Variants in RPGRIP1L observed in about 807,000 individuals in gnomAD.
RPGRIP1L encodes protein fantom.
RPGRIP1L carries 131 observed loss-of-function variants against 160.4 expected under a neutral mutation model. The ratio of observed to expected loss-of-function variants is 0.82; its 90% CI spans 0.71 to 0.94. The LOEUF is 0.94. Among genes scored for constraint, RPGRIP1L ranks in the 40% least tolerant of loss-of-function variants. The pLI, the probability that RPGRIP1L is intolerant of heterozygous loss-of-function variation, is 0.00. For missense variants in RPGRIP1L, 1,522 were observed against 1,535.8 expected (o/e 0.99, Z 0.15); for synonymous variants, 510 against 515.8 (o/e 0.99, Z 0.15).
chr16:53,616,040 C>T (rs949154111), intron 24 of RPGRIP1L, among the ~76,000 whole-genome samples: 1 of 152,174 alleles, frequency 6.6e-6, no homozygotes, highest in African/African-American at 2.4e-5. Flanking sequence ...ACATACAAGT[C>T]TCTTTTGTAC....
chr16:53,651,879 T>G, intron 15 of RPGRIP1L, among the ~76,000 whole-genome samples: 1 of 145,380 alleles, frequency 6.9e-6, no homozygotes, highest in Admixed American at 6.8e-5. Context: ...TAGCTTATAT[T>G]ATTATTTATA....
chr16:53,678,730 C>T (rs1273106047), intron 6 of RPGRIP1L, among the ~76,000 whole-genome samples: 1 of 152,080 alleles, frequency 6.6e-6, no homozygotes. Flanking sequence ...CAAATATTTA[C>T]GACACAGAAT....
chr16:53,680,879 T>C (rs546374654), intron 6 of RPGRIP1L, among the ~76,000 whole-genome samples: 40 of 151,340 alleles, frequency 2.6e-4, no homozygotes, highest in Non-Finnish European at 4.9e-4. Context: ...AGATGAGAGA[T>C]GTTGAGAGAA....
In RPGRIP1L at chr16:53,645,817, G is replaced by A; in HGVS notation, c.2491C>T (p.Pro831Ser). The A allele has an allele frequency of 6.2e-7, 1 of 1,613,890 alleles. No individual in the cohort carries two copies. Among genetic ancestry groups the A allele is most frequent in the Non-Finnish European group, 8.5e-7 (1 of 1,179,790 alleles). Reference protein sequence around the residue: ...DFADHDTAIIPSSNDPQFDDH... With the variant: ...DFADHDTAIISSSNDPQFDDH... ...TCAAACTGTGGATCATTGCTACTGG[G>A]AATGATAGCTGTATCATGGTCTGCA... Residue 831 changes from proline (P) to serine (S), a missense_variant, in exon 17 of 27, where the codon CCC becomes TCC. Coordinates refer to ENST00000647211, the MANE Select transcript of RPGRIP1L (RefSeq NM_015272.5).
At chr16:53,664,253 T>A (rs561304264) in intron 10 of RPGRIP1L, among the ~76,000 whole-genome samples, 1 of 152,202 alleles carries the variant, frequency 6.6e-6, no homozygotes, top group Non-Finnish European at 1.5e-5. Context: ...CTGAAACTTA[T>A]TAGTGATTAT....
At position 53,695,942 on chromosome 16, in the gene RPGRIP1L, T is replaced by C. The variant is rs573106729; in HGVS notation, c.230+209A>G. ...ACTCTATTAGCTTTTTTCATTTAAA[T>C]AGCAAATTCAGACATAATAAACACT... On this transcript the variant is annotated intron_variant, in intron 3 of 26. Transcript: ENST00000647211. 10 of 513,244 alleles carry C rather than the reference T, an allele frequency of 1.9e-5. No homozygotes were observed. The Admixed American group carries it at 2.0e-4, about 10-fold the overall frequency. The allele number at this position is 513,244 out of a possible 1,614,324, so 31.8% of individuals were successfully genotyped here. A position where few individuals can be genotyped will look rare whatever the true frequency, so the allele number is the denominator to read the frequency against.
chr16:53,605,033 T>C (rs1368860418), intron 26 of RPGRIP1L, among the ~76,000 whole-genome samples: 1 of 151,858 alleles, frequency 6.6e-6, no homozygotes, highest in Non-Finnish European at 1.5e-5. Flanking sequence ...CCAAAAAAAT[T>C]AGCCGGGCAT....
intron 16 of RPGRIP1L, 23 bp downstream of exon 16, chr16:53,648,941 G>T: frequency 1.9e-6 from 3 of 1,604,354 alleles, no homozygotes; most frequent in Non-Finnish European, 2.6e-6. Flanking sequence ...TCATAAAAGG[G>T]TCTTAAAGCC....
chr16:53,619,324 T>G, intron 23 of RPGRIP1L, 116 bp from the exon 24 acceptor site: 1 of 846,734 alleles, frequency 1.2e-6, no homozygotes, highest in South Asian at 1.4e-5. Context: ...TGGGCTTCTT[T>G]TCTTGAATGC....
chr16:53,672,776 TA>T, intron 8 of RPGRIP1L, 93 bp downstream of exon 8: 2 of 1,126,676 alleles, frequency 1.8e-6, no homozygotes, highest in Non-Finnish European at 2.6e-6. Context: ...TAATTTTAAA[TA>T]AGTACAATTT....
chr16:53,648,620 GCGCGCGCACACACA>G (rs1567834511), intron 16 of RPGRIP1L, among the ~76,000 whole-genome samples: 1 of 62,486 alleles, frequency 1.6e-5, no homozygotes, highest in Admixed American at 1.6e-4. Flanking sequence ...GCGTGCGCGC[GCGCGCGCACACACA>G]CACACACACA....
chr16:53,637,690 G>T lies in RPGRIP1L; in HGVS notation c.3220+5C>A. Reference sequence around the variant, plus strand: ...AAACAATGTTAGTTTAAATAAGAAAGTCACCTTCTGGTTCCAAGTCCTCTG... The same window carrying T: ...AAACAATGTTAGTTTAAATAAGAAATTCACCTTCTGGTTCCAAGTCCTCTG... On this transcript the variant is annotated splice_donor_5th_base_variant and intron_variant, in intron 21 of 26. Coordinates refer to ENST00000647211, the MANE Select transcript of RPGRIP1L (RefSeq NM_015272.5). 2 of 1,606,342 alleles carry T rather than the reference G, an allele frequency of 1.2e-6. No individual in the cohort carries two copies. Among genetic ancestry groups the T allele is most frequent in the Non-Finnish European group, 1.7e-6 (2 of 1,179,322 alleles).
chr16:53,682,374 T>C (rs932145602), intron 6 of RPGRIP1L, among the ~76,000 whole-genome samples: 2 of 152,194 alleles, frequency 1.3e-5, no homozygotes, highest in South Asian at 2.1e-4. Flanking sequence ...ACCTCTTCTA[T>C]GTATACATGT....
At chr16:53,618,218 T>C (rs367622145) in intron 24 of RPGRIP1L, among the ~76,000 whole-genome samples, 1 of 152,170 alleles carries the variant, frequency 6.6e-6, no homozygotes, top group African/African-American at 2.4e-5. Flanking sequence ...TGCTATATGA[T>C]GAAAGGTGTA....
Position 53,599,797 on chromosome 16 carries a change from A to C in RPGRIP1L, c.*2279T>G, listed in dbSNP as rs1963304431. ...TCAAACAGATTATGAAACCCAACTG[A>C]AGTATCCACATGACAGCGTTCAATA... On this transcript the variant is annotated 3_prime_UTR_variant, in exon 27 of 27. Coordinates refer to ENST00000647211, the MANE Select transcript of RPGRIP1L (RefSeq NM_015272.5). The C allele has an allele frequency of 6.6e-6, 1 of 152,230 alleles. No homozygotes were observed. Among genetic ancestry groups the C allele is most frequent in the African/African-American group, 2.4e-5 (1 of 41,466 alleles). 9.4% of individuals were successfully genotyped at this position (152,230 alleles called of 1,614,324 possible). A position where few individuals can be genotyped will look rare whatever the true frequency, so the allele number is the denominator to read the frequency against.
chr16:53,632,060 A>C (rs754507553), intron 22 of RPGRIP1L, among the ~76,000 whole-genome samples: 9 of 152,242 alleles, frequency 5.9e-5, no homozygotes, highest in Non-Finnish European at 1.0e-4. Flanking sequence ...AAATGAAGTA[A>C]TCTATGATTA....
At chr16:53,606,022 T>A (rs1474409478) in intron 25 of RPGRIP1L, among the ~76,000 whole-genome samples, 4 of 152,214 alleles carry the variant, frequency 2.6e-5, no homozygotes, top group African/African-American at 4.8e-5. Flanking sequence ...ACATTTCCTA[T>A]AGAAACACAC....
chr16:53,672,511 C>T (rs1968819261), intron 8 of RPGRIP1L, among the ~76,000 whole-genome samples: 1 of 152,154 alleles, frequency 6.6e-6, no homozygotes, highest in African/African-American at 2.4e-5. Flanking sequence ...GCCATCTCCT[C>T]AGAAACAGAT....
intron 19 of RPGRIP1L, among the ~76,000 whole-genome samples, chr16:53,640,086 A>G (rs1966107401): frequency 1.3e-5 from 2 of 152,246 alleles, no homozygotes; most frequent in South Asian, 4.1e-4. Flanking sequence ...ATATATTTTT[A>G]AAGTACAGCT....
Sources: gnomAD v4.1 joint callset for allele counts (sites outside exome capture counted in the v4.1 genomes callset) on GRCh38, gnomAD v4.1.1 for gene constraint, MANE v1.5 for transcripts, NCBI Gene and HGNC (gene_info 2026-07-23, HGNC 2026-07-21) for gene names.